ARMC2: variants seen among roughly 807,000 people sequenced by gnomAD.
The protein encoded by ARMC2 is armadillo repeat containing 2.
Under a neutral mutation model 90.3 loss-of-function variants are expected in ARMC2, and 67 were observed. That is an observed-to-expected ratio of 0.74 (90% CI 0.61 to 0.91). The LOEUF (loss-of-function observed/expected upper bound fraction) is 0.91, where lower values mean the gene tolerates loss of function less well. ARMC2 is among the 40% of genes least tolerant of loss of function. The pLI, the probability that ARMC2 is intolerant of heterozygous loss-of-function variation, is 0.00. For missense variants in ARMC2, 920 were observed against 1,030.9 expected (o/e 0.89, Z 1.47); for synonymous variants, 393 against 393.0 (o/e 1.00, Z 0.00).
intron 5 of ARMC2, among the ~76,000 whole-genome samples, chr6:108,887,837 C>A (rs1195322527): frequency 1.3e-5 from 2 of 152,080 alleles, no homozygotes; most frequent in African/African-American, 4.8e-5. Flanking sequence ...CTAGGAAGAA[C>A]AATTTTGCTG....
chr6:108,971,517 A>G (rs932754602), intron 17 of ARMC2, among the ~76,000 whole-genome samples: 2 of 152,154 alleles, frequency 1.3e-5, no homozygotes, highest in African/African-American at 4.8e-5. Context: ...TGACACTAAC[A>G]CCCATAGTGC....
At chr6:108,994,620 A>G in the ARMC2 span, 1 of 1,605,930 alleles carries the variant, frequency 6.2e-7, no homozygotes, top group Non-Finnish European at 8.5e-7. Context: ...CTGAAGAAAA[A>G]ATACAATTAA....
At chr6:108,890,147 G>C (rs534472030) in intron 5 of ARMC2, among the ~76,000 whole-genome samples, 1 of 125,794 alleles carries the variant, frequency 7.9e-6, no homozygotes, top group Non-Finnish European at 1.6e-5. Context: ...CCGAGATCCC[G>C]CCACTGCACT....
At chr6:109,049,679 A>T in the ARMC2 span, among the ~76,000 whole-genome samples, 1 of 150,912 alleles carries the variant, frequency 6.6e-6, no homozygotes, top group Non-Finnish European at 1.5e-5. Context: ...ATAAAAAATA[A>T]AAAGGAGAGG....
the ARMC2 span, among the ~76,000 whole-genome samples, chr6:108,989,410 T>A: frequency 6.7e-6 from 1 of 149,108 alleles, no homozygotes; most frequent in Non-Finnish European, 1.5e-5. Context: ...TAGATAGATA[T>A]CTCTAGATCT....
chr6:108,933,128 A>G (rs1284731108), intron 11 of ARMC2, among the ~76,000 whole-genome samples: 1 of 152,118 alleles, frequency 6.6e-6, no homozygotes, highest in Non-Finnish European at 1.5e-5. Flanking sequence ...TTTGATAGGA[A>G]TAGGATTGAA....
In ARMC2 at chr6:108,910,967, G is replaced by A. The variant is rs1341017191; in HGVS notation, c.1092G>A (p.Lys364=). The A allele has an allele frequency of 4.4e-6, 7 of 1,584,290 alleles. No individual in the cohort carries two copies. Among genetic ancestry groups the A allele is most frequent in the East Asian group, 2.3e-5 (1 of 44,164 alleles). ...KLIFKISRNE[K]NDSLIQNDSI... ...TATTTAAAATTAGCAGGAATGAGAA[G>A]AATGATTCTTTGATTCAAAATGACA... Residue 364 remains lysine, a synonymous_variant, in exon 9 of 18, where the codon AAG becomes AAA. Transcript: ENST00000392644.
At chr6:108,963,510 C>T (rs1041095759) in intron 15 of ARMC2, among the ~76,000 whole-genome samples, 1 of 152,154 alleles carries the variant, frequency 6.6e-6, no homozygotes, top group African/African-American at 2.4e-5. Context: ...CAGGGCAGCC[C>T]CTCTCAGGTG....
intron 5 of ARMC2, among the ~76,000 whole-genome samples, chr6:108,890,213 A>ACAAACAAACAAAC (rs1770850016): frequency 2.1e-5 from 3 of 140,530 alleles, no homozygotes; most frequent in East Asian, 4.2e-4. Context: ...AAAAAAAAAA[A>ACAAACAAACAAAC]AAAAAAAAAA....
At chr6:108,879,683 A>G (rs1777326989) in intron 5 of ARMC2, among the ~76,000 whole-genome samples, 1 of 152,126 alleles carries the variant, frequency 6.6e-6, no homozygotes, top group South Asian at 2.1e-4. Flanking sequence ...AAGGCTTTCC[A>G]TGTAAACGTT....
At chr6:109,002,369 A>G in the ARMC2 span, 1 of 1,594,508 alleles carries the variant, frequency 6.3e-7, no homozygotes, top group South Asian at 1.1e-5. Flanking sequence ...ACACCATCTC[A>G]GGCCTTTGGC....
intron 11 of ARMC2, among the ~76,000 whole-genome samples, chr6:108,933,131 G>A (rs780546591): frequency 8.6e-5 from 13 of 151,872 alleles, no homozygotes; most frequent in Non-Finnish European, 1.9e-4. Flanking sequence ...GATAGGAATA[G>A]GATTGAATCT....
At chr6:109,030,832 T>C in the ARMC2 span, among the ~76,000 whole-genome samples, 18 of 152,348 alleles carry the variant, frequency 1.2e-4, no homozygotes, top group Non-Finnish European at 2.6e-4. Flanking sequence ...TATTCCTATA[T>C]TACCCATGAA....
At chr6:109,002,305 T>C in the ARMC2 span, 1 of 1,613,300 alleles carries the variant, frequency 6.2e-7, no homozygotes, top group Non-Finnish European at 8.5e-7. Context: ...ATCTGCTTGG[T>C]CCCTGTCCTA....
chr6:109,051,973 T>C, the ARMC2 span, among the ~76,000 whole-genome samples: 4 of 152,186 alleles, frequency 2.6e-5, no homozygotes, highest in African/African-American at 9.7e-5. Flanking sequence ...TACTATCACA[T>C]TGACAGCACC....
At chr6:109,052,681 C>A in the ARMC2 span, among the ~76,000 whole-genome samples, 1 of 152,076 alleles carries the variant, frequency 6.6e-6, no homozygotes, top group Admixed American at 6.5e-5. Flanking sequence ...AAGTTACTGG[C>A]AGTAGATTAT....
chr6:108,968,805 G>GT (rs1778557740), intron 17 of ARMC2, among the ~76,000 whole-genome samples: 1 of 152,162 alleles, frequency 6.6e-6, no homozygotes, highest in African/African-American at 2.4e-5. Flanking sequence ...AATTTCTATA[G>GT]TAATGTAAGT....
At chr6:108,962,824 G>T (rs1243230209) in intron 15 of ARMC2, among the ~76,000 whole-genome samples, 2 of 152,124 alleles carry the variant, frequency 1.3e-5, no homozygotes, top group African/African-American at 4.8e-5. Context: ...GGGTAACATA[G>T]TGAGAACCTG....
At chr6:108,932,567 C>G (rs1224863152) in intron 11 of ARMC2, among the ~76,000 whole-genome samples, 1 of 129,540 alleles carries the variant, frequency 7.7e-6, no homozygotes. Flanking sequence ...CTTGCTCTGT[C>G]GCCCAGGCTG....
Sources: allele counts gnomAD v4.1 joint callset (sites outside exome capture counted in the v4.1 genomes callset), GRCh38; gene constraint gnomAD v4.1.1; transcripts MANE v1.5; gene names NCBI Gene and HGNC (gene_info 2026-07-23, HGNC 2026-07-21).